The following GAPVD1 variants were observed in gnomAD, a reference collection of about 807,000 sequenced individuals.
The protein encoded by GAPVD1 is GTPase-activating protein and VPS9 domain-containing protein 1.
A neutral mutation model predicts 155.5 loss-of-function variants in GAPVD1; 35 were observed. The ratio of observed to expected loss-of-function variants is 0.23; its 90% CI spans 0.17 to 0.30. The LOEUF is 0.30. Among genes scored for constraint, GAPVD1 ranks in the 10% least tolerant of loss-of-function variants. The probability of loss-of-function intolerance (pLI) is 1.00; values close to 1 mark genes in which losing one functional copy is unlikely to be tolerated. For missense variants in GAPVD1, 1,429 were observed against 1,775.7 expected (o/e 0.80, Z 3.51); for synonymous variants, 636 against 619.7 (o/e 1.03, Z -0.39).
chr9:125,340,804 C>T (rs1484112957), intron 17 of GAPVD1, among the ~76,000 whole-genome samples: 2 of 152,138 alleles, frequency 1.3e-5, no homozygotes, highest in Admixed American at 1.3e-4. Flanking sequence ...CCAAAAGTCA[C>T]CTACGTGGCA....
chr9:125,294,994 C>G (rs909463276), intron 2 of GAPVD1, among the ~76,000 whole-genome samples: 2 of 151,628 alleles, frequency 1.3e-5, no homozygotes, highest in Admixed American at 6.6e-5. Flanking sequence ...GTGCTTCTTT[C>G]GAGTCAGACA....
In GAPVD1 at chr9:125,326,450, G is replaced by A. The variant is rs747400664; in HGVS notation, c.1893G>A (p.Arg631=). ...AGGATAACCTTGATGATAAGCTAAG[G>A]AAGTTTGAAATTCGTGACATGATGG... is the stretch of plus-strand genomic sequence containing the variant. ...TTQDNLDDKL[R]KFEIRDMMGL... Residue 631 remains arginine, a synonymous_variant, in exon 12 of 28, where the codon AGG becomes AGA. Coordinates refer to ENST00000297933, the MANE Select transcript of GAPVD1 (RefSeq NM_001282680.3). 5 of 1,613,192 alleles carry A rather than the reference G, an allele frequency of 3.1e-6. No homozygotes were observed. The highest frequency in any genetic ancestry group is 4.2e-6 in the Non-Finnish European group (5 of 1,179,114).
intron 25 of GAPVD1, among the ~76,000 whole-genome samples, chr9:125,357,350 A>G (rs1850236570): frequency 1.3e-5 from 2 of 152,158 alleles, no homozygotes; most frequent in Non-Finnish European, 2.9e-5. Flanking sequence ...AGGCCAAGGC[A>G]GGTGGATCAC....
intron 3 of GAPVD1, 111 bp from the exon 4 acceptor site, chr9:125,298,779 C>T (rs568051676): frequency 3.6e-5 from 20 of 550,588 alleles, no homozygotes; most frequent in Non-Finnish European, 4.7e-5. Flanking sequence ...TGAGCCACCG[C>T]GCCTGCCCAA....
intron 4 of GAPVD1, among the ~76,000 whole-genome samples, chr9:125,301,001 T>C (rs1343447596): frequency 6.6e-6 from 1 of 152,214 alleles, no homozygotes; most frequent in African/African-American, 2.4e-5. Context: ...TCATTTTTAT[T>C]ATTTTTTAGT....
chr9:125,331,103 C>T (rs1282338234), intron 13 of GAPVD1, among the ~76,000 whole-genome samples: 2 of 151,938 alleles, frequency 1.3e-5, no homozygotes, highest in African/African-American at 4.8e-5. Context: ...AACTAAATGT[C>T]AACTACCAGA....
intron 10 of GAPVD1, among the ~76,000 whole-genome samples, chr9:125,321,964 C>G (rs1375148376): frequency 1.3e-5 from 2 of 152,168 alleles, no homozygotes; most frequent in African/African-American, 4.8e-5. Context: ...TTTACTCACA[C>G]TCACACATAC....
At position 125,302,278 on chromosome 9, in the gene GAPVD1, C is replaced by T; in HGVS notation, c.481C>T (p.Leu161Phe). 4 of 1,614,074 alleles carry T rather than the reference C, an allele frequency of 2.5e-6. No homozygotes were observed. Among genetic ancestry groups the T allele is most frequent in the Non-Finnish European group, 3.4e-6 (4 of 1,179,962 alleles). ...TTTGCGATACTTGATTGAATTTGAA[C>T]TTAAAGAAAGTGACAACCCTAGGCG... ...QVLRYLIEFE[L>F]KESDNPRRLL... Residue 161 changes from leucine (L) to phenylalanine (F), a missense_variant, in exon 5 of 28, where the codon CTT (leucine) becomes TTT (phenylalanine). This residue lies in a region of GAPVD1 where 628 missense variants were observed against 733.4 expected (regional missense o/e 0.86). Transcript: ENST00000297933.
intron 1 of GAPVD1, chr9:125,263,483 G>C (rs1588459272): frequency 1.5e-6 from 1 of 681,256 alleles, no homozygotes; most frequent in Admixed American, 2.4e-5. Context: ...TCCTGAAATA[G>C]AAATAAGGTT....
At position 125,367,185 on chromosome 9, in the gene GAPVD1, G is replaced by A. The variant is rs1414971605; in HGVS notation, c.*4439G>A. ...ATATTCTATAAAACTGATTAAAAGG[G>A]GAGAGCAGTTTGATTCACAGGGTTT... On this transcript the variant is annotated 3_prime_UTR_variant, in exon 28 of 28. Transcript: ENST00000297933. 6.6e-6 allele frequency: 1 copy of A among 152,088 alleles called. No individual in the cohort carries two copies. Among genetic ancestry groups the A allele is most frequent in the Non-Finnish European group, 1.5e-5 (1 of 68,028 alleles). The allele number at this position is 152,088 out of a possible 1,614,324, so 9.4% of individuals were successfully genotyped here.
rs962141906 is a variant in GAPVD1 at position 125,363,747 on chromosome 9, A to T, written c.*1001A>T. ...AAGAATTCAGTGAATGTCATTTTTTAAAAAACTAATTTGTATTGTCTGCTC... is the reference window on the plus strand; with the variant it reads ...AAGAATTCAGTGAATGTCATTTTTTTAAAAACTAATTTGTATTGTCTGCTC... On this transcript the variant is annotated 3_prime_UTR_variant, in exon 28 of 28. Coordinates refer to ENST00000297933, the MANE Select transcript of GAPVD1 (RefSeq NM_001282680.3). 1 of 152,636 alleles carries T rather than the reference A, an allele frequency of 6.6e-6. No individual in the cohort carries two copies. Among genetic ancestry groups the T allele is most frequent in the Non-Finnish European group, 1.5e-5 (1 of 68,040 alleles). The allele number at this position is 152,636 out of a possible 1,614,324, so 9.5% of individuals were successfully genotyped here.
chr9:125,300,273 C>G (rs1156479112), intron 4 of GAPVD1, among the ~76,000 whole-genome samples: 2 of 148,938 alleles, frequency 1.3e-5, no homozygotes, highest in Non-Finnish European at 3.0e-5. Context: ...CCTCTGCCTC[C>G]TGGGTTCAAG....
At chr9:125,267,722 A>G (rs948402208) in intron 1 of GAPVD1, among the ~76,000 whole-genome samples, 2 of 149,024 alleles carry the variant, frequency 1.3e-5, no homozygotes, top group East Asian at 2.0e-4. Context: ...TAAAAAAAGA[A>G]TTTTTTTTTT....
intron 1 of GAPVD1, among the ~76,000 whole-genome samples, chr9:125,266,480 A>AT (rs1252298939): frequency 6.6e-6 from 1 of 151,702 alleles, no homozygotes; most frequent in Non-Finnish European, 1.5e-5. Flanking sequence ...TGCCCAGCTA[A>AT]TTTTTTGTAT....
intron 6 of GAPVD1, among the ~76,000 whole-genome samples, chr9:125,306,469 C>G (rs1173232234): frequency 2.0e-5 from 3 of 152,154 alleles, no homozygotes; most frequent in African/African-American, 7.2e-5. Context: ...GTATACTGTT[C>G]TGTGTTGTGT....
At chr9:125,264,412 C>T (rs1171573669) in intron 1 of GAPVD1, among the ~76,000 whole-genome samples, 1 of 152,120 alleles carries the variant, frequency 6.6e-6, no homozygotes, top group Non-Finnish European at 1.5e-5. Flanking sequence ...TCAGGCTGGT[C>T]TCAAAGTCCT....
chr9:125,289,362 G>A (rs1046365266), intron 2 of GAPVD1, among the ~76,000 whole-genome samples: 4 of 152,258 alleles, frequency 2.6e-5, no homozygotes, highest in East Asian at 1.9e-4. Flanking sequence ...AGCATAGTTA[G>A]TTAGGAAACT....
chr9:125,293,648 A>AAT (rs1355721855), intron 2 of GAPVD1, among the ~76,000 whole-genome samples: 1 of 128,816 alleles, frequency 7.8e-6, no homozygotes, highest in Non-Finnish European at 1.6e-5. Context: ...ATAATATAAA[A>AAT]ATATATATAT....
intron 2 of GAPVD1, among the ~76,000 whole-genome samples, chr9:125,287,454 A>T (rs1249329125): frequency 1.3e-5 from 2 of 152,072 alleles, no homozygotes; most frequent in Non-Finnish European, 2.9e-5. Flanking sequence ...GCACAGAGCC[A>T]TGATGGTGCC....
Sources: allele counts gnomAD v4.1 joint callset (sites outside exome capture counted in the v4.1 genomes callset), GRCh38; gene constraint gnomAD v4.1.1; regional missense constraint gnomAD v4.1.1; transcripts MANE v1.5; gene names NCBI Gene and HGNC (gene_info 2026-07-23, HGNC 2026-07-21).